Variants in MAD1L1 observed in about 807,000 individuals in gnomAD.
The protein encoded by MAD1L1 is mitotic arrest deficient 1 like 1, also known as mitotic spindle assembly checkpoint protein MAD1.
A neutral mutation model predicts 96.9 loss-of-function variants in MAD1L1; 95 were observed. The observed-to-expected ratio is 0.98, with a 90% CI of 0.83 to 1.16. MAD1L1 has a LOEUF of 1.16. Ranked by LOEUF, MAD1L1 falls within the 50% of genes most tolerant of loss-of-function variation. The pLI, the probability that MAD1L1 is intolerant of heterozygous loss-of-function variation, is 0.00. For synonymous variants in MAD1L1, 473 were observed against 396.6 expected, an observed-to-expected ratio of 1.19 and a Z score of -2.29; for missense variants, 1,007 against 954.4, an observed-to-expected ratio of 1.06 and a Z score of -0.73.
chr7:1,941,602 G>C (rs1172930118), intron 16 of MAD1L1, among the ~76,000 whole-genome samples: 1 of 152,218 alleles, frequency 6.6e-6, no homozygotes, highest in South Asian at 2.1e-4. Flanking sequence ...CCAGCCCCCA[G>C]GCTTGTCCTC....
chr7:1,967,163 G>C (rs1396340574), intron 15 of MAD1L1, among the ~76,000 whole-genome samples: 4 of 152,200 alleles, frequency 2.6e-5, no homozygotes, highest in African/African-American at 4.8e-5. Flanking sequence ...GGGGCTTCCA[G>C]GTGTGACTTC....
chr7:1,849,088 G>GT (rs879941021), intron 18 of MAD1L1: 50,443 of 148,062 alleles, frequency 0.34, 8,775 homozygotes, highest in East Asian at 0.43. Flanking sequence ...GCACATGCAC[G>GT]GACACATGCA....
chr7:2,008,622 G>A (rs371850748), intron 13 of MAD1L1, among the ~76,000 whole-genome samples: 1 of 152,218 alleles, frequency 6.6e-6, no homozygotes, highest in Non-Finnish European at 1.5e-5. Flanking sequence ...CAGATGCCAA[G>A]CCTGCTCGCA....
chr7:2,232,424 C>T (rs1354945062), intron 1 of MAD1L1, among the ~76,000 whole-genome samples: 1 of 152,242 alleles, frequency 6.6e-6, no homozygotes, highest in African/African-American at 2.4e-5. Context: ...CGGACCGGCG[C>T]GAGCCACCAG....
intron 11 of MAD1L1, among the ~76,000 whole-genome samples, chr7:2,091,968 T>C (rs1010174822): frequency 6.6e-6 from 1 of 152,204 alleles, no homozygotes; most frequent in East Asian, 1.9e-4. Context: ...CAGGTCTCTG[T>C]GTGGACACAA....
chr7:2,060,132 G>C (rs67922140), intron 12 of MAD1L1, among the ~76,000 whole-genome samples: 1 of 145,564 alleles, frequency 6.9e-6, no homozygotes, highest in East Asian at 2.0e-4. Flanking sequence ...CCGAGATGTC[G>C]AGATACGCAG....
chr7:2,123,915 C>T (rs914535793), intron 11 of MAD1L1, among the ~76,000 whole-genome samples: 1 of 152,234 alleles, frequency 6.6e-6, no homozygotes, highest in African/African-American at 2.4e-5. Flanking sequence ...TCTCCAAATA[C>T]ACCAGAGTCC....
At position 2,150,571 on chromosome 7, in the gene MAD1L1, G is replaced by A. The variant is rs55653415; in HGVS notation, c.987-1333C>T. Among the ~76,000 whole-genome samples the A allele has an allele frequency of 5.5e-3, 844 of 152,200 alleles. 7 individuals are homozygous for A. The highest frequency in any genetic ancestry group is 0.019 in the African/African-American group (808 of 41,524). ...TTACAGTGTCTCTGGCCACCCCCAC[G>A]CCCCTCGCCATCCCATGCCTGTTTT... On this transcript the variant is annotated intron_variant, in intron 10 of 18. Coordinates refer to ENST00000265854, the MANE Select transcript of MAD1L1 (RefSeq NM_001013836.2).
chr7:1,926,743 GA>G (rs1789113462), intron 17 of MAD1L1, among the ~76,000 whole-genome samples: 1 of 152,174 alleles, frequency 6.6e-6, no homozygotes. Context: ...GCTTGATAAG[GA>G]AAAACCACAA....
chr7:2,165,165 T>C (rs1023355888), intron 10 of MAD1L1, among the ~76,000 whole-genome samples: 8 of 150,490 alleles, frequency 5.3e-5, no homozygotes, highest in African/African-American at 1.2e-4. Context: ...GATCGCACCA[T>C]TGCACTCCAG....
intron 15 of MAD1L1, among the ~76,000 whole-genome samples, chr7:1,958,895 G>C (rs936202589): frequency 6.6e-6 from 1 of 152,306 alleles, no homozygotes; most frequent in Middle Eastern, 3.4e-3. Flanking sequence ...ATTAATGACA[G>C]ATTAGAATCC....
chr7:2,011,604 A>T (rs1782304827), intron 13 of MAD1L1, among the ~76,000 whole-genome samples: 2 of 152,222 alleles, frequency 1.3e-5, no homozygotes, highest in Admixed American at 6.5e-5. Flanking sequence ...AAAGGCAGGG[A>T]CACCTCTCCC....
At chr7:1,816,671 G>A (rs563194837) in intron 18 of MAD1L1, among the ~76,000 whole-genome samples, 2 of 152,190 alleles carry the variant, frequency 1.3e-5, no homozygotes, top group South Asian at 4.1e-4. Context: ...GGGCGCTGGG[G>A]GCCCAGGGGG....
intron 12 of MAD1L1, among the ~76,000 whole-genome samples, chr7:2,018,338 C>T (rs73277192): frequency 1.3e-5 from 2 of 152,176 alleles, no homozygotes; most frequent in Admixed American, 6.5e-5. Flanking sequence ...ACCAGGCACA[C>T]GGAACCCGCA....
At chr7:1,837,270 C>G (rs1782983007) in intron 18 of MAD1L1, among the ~76,000 whole-genome samples, 1 of 152,198 alleles carries the variant, frequency 6.6e-6, no homozygotes, top group Non-Finnish European at 1.5e-5. Flanking sequence ...TCAGTCACCT[C>G]TTAGAAGGAC....
chr7:2,146,544 G>A lies in MAD1L1; in HGVS notation c.1073+2608C>T. On this transcript the variant is annotated intron_variant, in intron 11 of 18. Coordinates refer to ENST00000265854, the MANE Select transcript of MAD1L1 (RefSeq NM_001013836.2). This position sits in a 1 kb window ranked among gnomAD's most constrained non-coding sequence, Gnocchi z 6.2. ...CAGAGGAGAACATACGTGGTCACAA[G>A]CACGTGCCCGCTGGTCCGCACAGAC... 6.6e-6 allele frequency among the ~76,000 whole-genome samples: 1 copy of A among 152,210 alleles called. No homozygotes were observed. Among genetic ancestry groups the A allele is most frequent in the East Asian group, 1.9e-4 (1 of 5,194 alleles).
chr7:2,193,087 C>T (rs1791804876), intron 10 of MAD1L1, among the ~76,000 whole-genome samples: 1 of 152,322 alleles, frequency 6.6e-6, no homozygotes, highest in Non-Finnish European at 1.5e-5. Flanking sequence ...AGACCCGGAG[C>T]TCAGCACTCG....
rs80012471 is a variant in MAD1L1, at chr7:1,869,451, G to A, written c.1998+28749C>T. Among the ~76,000 whole-genome samples the A allele has an allele frequency of 2.6e-4, 40 of 152,274 alleles. No individual in the cohort carries two copies. The East Asian group carries it at 6.6e-3, about 25-fold the overall frequency. ...TCCCCAGCCCAGGGTTGGGCACAGC[G>A]ATGGCCTGCAAGAGCTCAGCCCACG... On this transcript the variant is annotated intron_variant, in intron 18 of 18. Coordinates refer to ENST00000265854, the MANE Select transcript of MAD1L1 (RefSeq NM_001013836.2).
At chr7:1,980,793 G>C (rs1780868948) in intron 14 of MAD1L1, 7 of 598,782 alleles carry the variant, frequency 1.2e-5, no homozygotes, top group Non-Finnish European at 2.3e-5. Flanking sequence ...CTCACGGTGA[G>C]GTGTGTGGGG....
Sources: allele counts gnomAD v4.1 joint callset (sites outside exome capture counted in the v4.1 genomes callset), GRCh38; gene constraint gnomAD v4.1.1; non-coding constraint Gnocchi (gnomAD v3.1); transcripts MANE v1.5; gene names NCBI Gene and HGNC (gene_info 2026-07-23, HGNC 2026-07-21).